Variants in VTI1A observed in about 807,000 individuals in gnomAD.
VTI1A encodes the protein vesicle transport through interaction with t-SNAREs homolog 1A.
VTI1A carries 22 observed loss-of-function variants against 34.9 expected under a neutral mutation model. The ratio of observed to expected loss-of-function variants is 0.63; its 90% CI spans 0.45 to 0.90. The LOEUF is 0.90. Among genes scored for constraint, VTI1A ranks in the 40% least tolerant of loss-of-function variants. The probability of loss-of-function intolerance (pLI) is 0.00; values close to 1 mark genes in which losing one functional copy is unlikely to be tolerated. For synonymous variants in VTI1A, 87 were observed against 97.3 expected, an observed-to-expected ratio of 0.89 and a Z score of 0.62; for missense variants, 268 against 275.6, an observed-to-expected ratio of 0.97 and a Z score of 0.20.
chr10:112,646,033 A>G (rs1384602308), intron 5 of VTI1A, among the ~76,000 whole-genome samples: 2 of 149,798 alleles, frequency 1.3e-5, no homozygotes, highest in East Asian at 3.9e-4. Context: ...CTTATCATCC[A>G]TTTTTATTTA....
the VTI1A span, among the ~76,000 whole-genome samples, chr10:112,845,114 G>A: frequency 6.6e-6 from 1 of 152,204 alleles, no homozygotes; most frequent in Non-Finnish European, 1.5e-5. Context: ...GGAGAGAAAG[G>A]GCAGAGTTGG....
intron 3 of VTI1A, among the ~76,000 whole-genome samples, chr10:112,523,656 G>A (rs1850113370): frequency 6.6e-6 from 1 of 152,054 alleles, no homozygotes; most frequent in African/African-American, 2.4e-5. Context: ...AGAAATTGCA[G>A]TAGATTACAA....
intron 7 of VTI1A, among the ~76,000 whole-genome samples, chr10:112,813,181 G>T (rs976258271): frequency 6.6e-6 from 1 of 152,202 alleles, no homozygotes; most frequent in Non-Finnish European, 1.5e-5. Flanking sequence ...CACCAAGGAG[G>T]GGGTGAAGCC....
At chr10:112,766,517 G>A (rs1851651272) in intron 7 of VTI1A, among the ~76,000 whole-genome samples, 1 of 152,194 alleles carries the variant, frequency 6.6e-6, no homozygotes, top group South Asian at 2.1e-4. Context: ...ACTTGAAGAG[G>A]AAACCATTGC....
At chr10:112,518,995 T>C (rs1849912794) in intron 3 of VTI1A, among the ~76,000 whole-genome samples, 2 of 152,086 alleles carry the variant, frequency 1.3e-5, no homozygotes. Flanking sequence ...TTTTCTTATA[T>C]TGCCTAAACA....
chr10:112,713,878 G>A (rs1468343008), intron 7 of VTI1A, among the ~76,000 whole-genome samples: 1 of 152,108 alleles, frequency 6.6e-6, no homozygotes, highest in Non-Finnish European at 1.5e-5. Flanking sequence ...AGCCAAGGTT[G>A]GTATAGGAAA....
rs187508631 is a variant in VTI1A, at chr10:112,687,936, C to T, written c.560+18938C>T. Among the ~76,000 whole-genome samples, 530 of 149,158 alleles carry T rather than the reference C, an allele frequency of 3.6e-3. 2 individuals carry two copies. The highest frequency in any genetic ancestry group is 5.2e-3 in the Non-Finnish European group (352 of 67,646). On this transcript the variant is annotated intron_variant, in intron 7 of 7. Transcript: ENST00000393077. The stretch of plus-strand genomic sequence containing the variant: ...GGACATGATATGGAACCATCCTGGC[C>T]GGTGACCAAGTCTTTTTTTTTTTTT...
chr10:112,504,941 TG>T (rs200631292), intron 3 of VTI1A, among the ~76,000 whole-genome samples: 8 of 151,644 alleles, frequency 5.3e-5, no homozygotes, highest in East Asian at 1.9e-4. Flanking sequence ...GTTTTTTTGG[TG>T]GGGGGGTGTG....
chr10:112,537,311 G>GTATATTATATATATATATA (rs1850673012), intron 4 of VTI1A, among the ~76,000 whole-genome samples: 1 of 65,222 alleles, frequency 1.5e-5, no homozygotes, highest in Non-Finnish European at 3.6e-5. Flanking sequence ...AAGTATCTAG[G>GTATATTATATATATATATA]TATATATATA....
chr10:112,825,679 G>A, the VTI1A span: 1 of 152,192 alleles, frequency 6.6e-6, no homozygotes, highest in Non-Finnish European at 1.5e-5. Context: ...TGCCTGTGGG[G>A]GTCTGCACTC....
intron 3 of VTI1A, among the ~76,000 whole-genome samples, chr10:112,465,293 AGTT>A (rs1286878384): frequency 6.7e-6 from 1 of 150,200 alleles, no homozygotes; most frequent in African/African-American, 2.5e-5. Flanking sequence ...ATAATGTTAA[AGTT>A]GTTAGTAATT....
At chr10:112,581,693 G>A (rs955285862) in intron 5 of VTI1A, among the ~76,000 whole-genome samples, 3 of 152,236 alleles carry the variant, frequency 2.0e-5, no homozygotes, top group African/African-American at 4.8e-5. Flanking sequence ...ATAGATCAGC[G>A]ACAGCATTCC....
At chr10:112,665,050 TAAAG>T (rs1847593257) in intron 5 of VTI1A, among the ~76,000 whole-genome samples, 1 of 152,210 alleles carries the variant, frequency 6.6e-6, no homozygotes, top group Non-Finnish European at 1.5e-5. Context: ...CTATGGAAGT[TAAAG>T]AACTGAAAAT....
At chr10:112,573,184 C>T (rs1005916656) in intron 5 of VTI1A, among the ~76,000 whole-genome samples, 2 of 152,128 alleles carry the variant, frequency 1.3e-5, no homozygotes, top group Admixed American at 6.5e-5. Context: ...GAGCAGTATT[C>T]AGCCCAAGGT....
chr10:112,613,865 C>T (rs572223123), intron 5 of VTI1A, among the ~76,000 whole-genome samples: 3 of 152,308 alleles, frequency 2.0e-5, no homozygotes, highest in African/African-American at 7.2e-5. Context: ...ACTGTACATG[C>T]GAGTCTGTCA....
intron 7 of VTI1A, among the ~76,000 whole-genome samples, chr10:112,748,421 C>T (rs1231838641): frequency 6.6e-6 from 1 of 152,070 alleles, no homozygotes. Flanking sequence ...TCTATAAAAA[C>T]ACATGTTGTC....
intron 4 of VTI1A, among the ~76,000 whole-genome samples, chr10:112,530,151 A>G (rs187061964): frequency 7.2e-5 from 11 of 152,266 alleles, no homozygotes; most frequent in Admixed American, 5.9e-4. Context: ...TCTGATTCAT[A>G]TTCATTTCAT....
chr10:112,616,330 C>G (rs536111348), intron 5 of VTI1A, among the ~76,000 whole-genome samples: 2 of 152,288 alleles, frequency 1.3e-5, no homozygotes, highest in Non-Finnish European at 2.9e-5. Flanking sequence ...TACATGTGCA[C>G]ACACTCACAC....
At chr10:112,528,538 A>G (rs1315476278) in intron 4 of VTI1A, among the ~76,000 whole-genome samples, 1 of 152,170 alleles carries the variant, frequency 6.6e-6, no homozygotes, top group Admixed American at 6.5e-5. Flanking sequence ...TAAAAGGGTG[A>G]TGTGATAAAG....
Sources: gnomAD v4.1 joint callset for allele counts (sites outside exome capture counted in the v4.1 genomes callset) on GRCh38, gnomAD v4.1.1 for gene constraint, MANE v1.5 for transcripts, NCBI Gene and HGNC (gene_info 2026-07-23, HGNC 2026-07-21) for gene names.